ZNF827: variants seen among roughly 807,000 people sequenced by gnomAD.
ZNF827 encodes zinc finger protein 827.
In ZNF827, 13 loss-of-function variants were observed where a neutral mutation model predicts 102.4. That is an observed-to-expected ratio of 0.13 (90% CI 0.08 to 0.20). The LOEUF is 0.20. Among genes scored for constraint, ZNF827 ranks in the 10% least tolerant of loss-of-function variants. The probability of loss-of-function intolerance (pLI) is 1.00; values close to 1 mark genes in which losing one functional copy is unlikely to be tolerated. For missense variants in ZNF827, 1,103 were observed against 1,344.4 expected (o/e 0.82, Z 2.81); for synonymous variants, 523 against 536.2 (o/e 0.98, Z 0.34).
rs1211455244 is a variant in ZNF827 at position 145,774,378 on chromosome 4, A to G, written c.2860+128T>C. ...AAATGTGGCTTTCATGCCTTGGGAA[A>G]GTCCTTCCTTCCATGGAAGGAAAAG... On this transcript the variant is annotated intron_variant, in intron 11 of 14. Transcript: ENST00000508784. 41 of 1,034,378 alleles carry G rather than the reference A, an allele frequency of 4.0e-5. 1 individual carries two copies. Among genetic ancestry groups the G allele is most frequent in the Non-Finnish European group, 5.1e-5 (36 of 711,672 alleles). The allele number at this position is 1,034,378 out of a possible 1,614,324, so 64.1% of individuals were successfully genotyped here.
At chr4:145,822,752 ACT>A (rs1743269243) in intron 8 of ZNF827, among the ~76,000 whole-genome samples, 1 of 152,110 alleles carries the variant, frequency 6.6e-6, no homozygotes, top group South Asian at 2.1e-4. Context: ...TTTCCCAATA[ACT>A]CTGAGAACAC....
chr4:145,908,184 C>T (rs1254245384), intron 1 of ZNF827, among the ~76,000 whole-genome samples: 2 of 152,162 alleles, frequency 1.3e-5, no homozygotes, highest in South Asian at 2.1e-4. Context: ...CAAAGAGACA[C>T]CTATTAATTT....
At chr4:145,836,047 C>T (rs28844313) in intron 7 of ZNF827, among the ~76,000 whole-genome samples, 5,520 of 151,768 alleles carry the variant, frequency 0.036, 262 homozygotes, top group East Asian at 0.16. Flanking sequence ...AGCCTCTCTT[C>T]GCTTTCACTT....
In ZNF827 at chr4:145,823,469, T is replaced by C; in HGVS notation, c.2336A>G (p.Glu779Gly). 1 of 1,613,984 alleles carries C rather than the reference T, an allele frequency of 6.2e-7. No homozygotes were observed. The highest frequency in any genetic ancestry group is 8.5e-7 in the Non-Finnish European group (1 of 1,179,980). Reference protein sequence around the residue: ...RQSPFTSNSKELLPSDSVLHG... With the variant: ...RQSPFTSNSKGLLPSDSVLHG... ...CAGCACGGAGTCACTGGGCAGCAGT[T>C]CTTTTGAATTGGAGGTGAATGGTGA... is the stretch of plus-strand genomic sequence containing the variant. Residue 779 changes from glutamate (E) to glycine (G), a missense_variant, in exon 8 of 15, where the codon GAA becomes GGA. This residue lies in a region of ZNF827 where 243 missense variants were observed against 251.6 expected (regional missense o/e 0.97). Coordinates refer to ENST00000508784, the MANE Select transcript of ZNF827 (RefSeq NM_001306215.2).
intron 8 of ZNF827, among the ~76,000 whole-genome samples, chr4:145,788,426 C>T (rs4583780): frequency 0.14 from 21,860 of 151,974 alleles, 1,775 homozygotes; most frequent in East Asian, 0.28. Flanking sequence ...GAATCCAGGC[C>T]AATTGATGGC....
At chr4:145,798,353 A>G (rs1740574531) in intron 8 of ZNF827, among the ~76,000 whole-genome samples, 1 of 152,182 alleles carries the variant, frequency 6.6e-6, no homozygotes, top group African/African-American at 2.4e-5. Context: ...CTCTACATGT[A>G]TATGTATGCT....
At chr4:145,914,694 A>G (rs1358617030) in intron 1 of ZNF827, among the ~76,000 whole-genome samples, 2 of 152,222 alleles carry the variant, frequency 1.3e-5, no homozygotes, top group Non-Finnish European at 2.9e-5. Flanking sequence ...GGGCCAGGAT[A>G]CCCCACAGCT....
chr4:145,787,233 G>A lies in ZNF827; in HGVS notation c.2384-7722C>T, dbSNP rs187960641. 1.1e-4 allele frequency among the ~76,000 whole-genome samples: 16 copies of A among 152,312 alleles called. No homozygotes were observed. The East Asian group carries it at 3.1e-3, about 29-fold the overall frequency. ...TAATCCCGGCACTTTGGGAGGCCGAGGCGTGTGGATCACAAGGTCAGGAGT... is the reference window on the plus strand; with the variant it reads ...TAATCCCGGCACTTTGGGAGGCCGAAGCGTGTGGATCACAAGGTCAGGAGT... On this transcript the variant is annotated intron_variant, in intron 8 of 14. Transcript: ENST00000508784.
Position 145,796,623 on chromosome 4 carries a change from C to CTTT in ZNF827, c.2384-17115_2384-17113dup, listed in dbSNP as rs34553120. ...TACATAAATTATATCATTTGTTCCT[C>CTTT]TTTTTTTTTTTTTTTTTTTTTTGAG... On this transcript the variant is annotated intron_variant, in intron 8 of 14. Coordinates refer to ENST00000508784, the MANE Select transcript of ZNF827 (RefSeq NM_001306215.2). 9.2e-3 allele frequency among the ~76,000 whole-genome samples: 1,049 copies of CTTT among 113,524 alleles called. 13 individuals are homozygous for CTTT. The highest frequency in any genetic ancestry group is 0.01 in the Non-Finnish European group (566 of 56,136). 74.5% of individuals were successfully genotyped at this position (113,524 alleles called of 152,430 possible).
intron 8 of ZNF827, among the ~76,000 whole-genome samples, chr4:145,787,305 A>G (rs1739001234): frequency 6.6e-6 from 1 of 152,012 alleles, no homozygotes; most frequent in Non-Finnish European, 1.5e-5. Context: ...TCTACTAAAA[A>G]TACACAAATT....
chr4:145,885,527 C>A, intron 4 of ZNF827, 151 bp downstream of exon 4: 1 of 1,148,300 alleles, frequency 8.7e-7, no homozygotes, highest in Non-Finnish European at 1.2e-6. Context: ...TATGGAAGTG[C>A]AGACTATCCA....
At chr4:145,910,447 C>T (rs1271246595) in intron 1 of ZNF827, among the ~76,000 whole-genome samples, 1 of 152,148 alleles carries the variant, frequency 6.6e-6, no homozygotes, top group Non-Finnish European at 1.5e-5. Context: ...TCCCTTGACT[C>T]TTCTCTTTCT....
At chr4:145,785,174 A>G (rs1738671249) in intron 8 of ZNF827, among the ~76,000 whole-genome samples, 1 of 152,206 alleles carries the variant, frequency 6.6e-6, no homozygotes. Flanking sequence ...CATCTTAGCA[A>G]TCCCAAAACA....
rs367783510 is a variant in ZNF827 at position 145,846,048 on chromosome 4, G to C, written c.2222-35C>G. 4.0e-5 allele frequency: 64 copies of C among 1,607,610 alleles called. 1 individual carries two copies. Among genetic ancestry groups the C allele is most frequent in the Non-Finnish European group, 5.3e-5 (62 of 1,174,294 alleles). On this transcript the variant is annotated intron_variant, in intron 6 of 14. Coordinates refer to ENST00000508784, the MANE Select transcript of ZNF827 (RefSeq NM_001306215.2). ...GAAAGAATGAAACATACACCTCTTAGGTTGTTCTCACTCAACTTGCATCTT... is the reference window on the plus strand; with the variant it reads ...GAAAGAATGAAACATACACCTCTTACGTTGTTCTCACTCAACTTGCATCTT...
At chr4:145,932,664 C>T (rs1348402037) in intron 1 of ZNF827, among the ~76,000 whole-genome samples, 1 of 152,052 alleles carries the variant, frequency 6.6e-6, no homozygotes, top group African/African-American at 2.4e-5. Flanking sequence ...TTAGTAGAGA[C>T]GGGGTTTCAC....
Position 145,760,829 on chromosome 4 carries a change from G to T in ZNF827, c.*787C>A, listed in dbSNP as rs1734377721. ...AGTCCGAGATAGGCCAGGAAGGAGT[G>T]TTTGGGTGAGGGGATGCTGGGAGGC... On this transcript the variant is annotated 3_prime_UTR_variant, in exon 15 of 15. Coordinates refer to ENST00000508784, the MANE Select transcript of ZNF827 (RefSeq NM_001306215.2). 8.3e-7 allele frequency: 1 copy of T among 1,201,768 alleles called. No individual in the cohort carries two copies. Among genetic ancestry groups the T allele is most frequent in the Non-Finnish European group, 1.1e-6 (1 of 946,920 alleles). 74.4% of individuals were successfully genotyped at this position (1,201,768 alleles called of 1,614,324 possible). A position where few individuals can be genotyped will look rare whatever the true frequency, so the allele number is the denominator to read the frequency against.
At chr4:145,804,038 A>T (rs986171226) in intron 8 of ZNF827, among the ~76,000 whole-genome samples, 4 of 152,218 alleles carry the variant, frequency 2.6e-5, no homozygotes, top group African/African-American at 9.7e-5. Flanking sequence ...TTTAACTCTA[A>T]AGTCTCTTCG....
intron 2 of ZNF827, among the ~76,000 whole-genome samples, chr4:145,900,670 A>G (rs1579516836): frequency 1.3e-5 from 2 of 152,146 alleles, no homozygotes; most frequent in South Asian, 4.2e-4. Flanking sequence ...TTGGCCCCTC[A>G]AAGTGCTAGG....
chr4:145,898,201 G>A (rs1041798454), intron 2 of ZNF827, among the ~76,000 whole-genome samples: 2 of 152,118 alleles, frequency 1.3e-5, no homozygotes, highest in Non-Finnish European at 2.9e-5. Context: ...GGGAGTATCA[G>A]GAGAGGTGAT....
Sources: allele counts gnomAD v4.1 joint callset (sites outside exome capture counted in the v4.1 genomes callset), GRCh38; gene constraint gnomAD v4.1.1; regional missense constraint gnomAD v4.1.1; transcripts MANE v1.5; gene names NCBI Gene and HGNC (gene_info 2026-07-23, HGNC 2026-07-21).